The following CBL variants were observed in gnomAD, a reference collection of about 807,000 sequenced individuals.
CBL encodes E3 ubiquitin-protein ligase CBL.
CBL carries 45 observed loss-of-function variants against 96.9 expected under a neutral mutation model. The observed-to-expected ratio is 0.46, with a 90% CI of 0.37 to 0.60. The LOEUF is 0.60. Among genes scored for constraint, CBL ranks in the 20% least tolerant of loss-of-function variants. CBL has a pLI of 0.00. For missense variants in CBL, 1,024 were observed against 1,143.5 expected, an observed-to-expected ratio of 0.90 and a Z score of 1.51; for synonymous variants, 420 against 426.8, an observed-to-expected ratio of 0.98 and a Z score of 0.20.
At chr11:119,297,700 C>T (rs1165833108) in intron 14 of CBL, among the ~76,000 whole-genome samples, 3 of 152,132 alleles carry the variant, frequency 2.0e-5, no homozygotes, top group Non-Finnish European at 4.4e-5. Flanking sequence ...TCAGGTGATC[C>T]ACCCCTCCCA....
In CBL at chr11:119,206,360, C is replaced by A; in HGVS notation, c.-58C>A. 2 of 1,359,010 alleles carry A rather than the reference C, an allele frequency of 1.5e-6. No homozygotes were observed. The highest frequency in any genetic ancestry group is 1.5e-5 in the African/African-American group (1 of 65,744). 84.2% of individuals were successfully genotyped at this position (1,359,010 alleles called of 1,614,324 possible). A position where few individuals can be genotyped will look rare whatever the true frequency, so the allele number is the denominator to read the frequency against. ...CCTCCTTCACGCCCTGCTTCTCTCC[C>A]TCGCTCGCAGTCGAGCCGAGCCGGC... On this transcript the variant is annotated 5_prime_UTR_variant, in exon 1 of 16. Transcript: ENST00000264033.
Position 119,287,784 on chromosome 11 carries a change from G to T in CBL, c.1942-68G>T, listed in dbSNP as rs552259923. On this transcript the variant is annotated intron_variant, in intron 11 of 15. Transcript: ENST00000264033. Reference sequence around the variant, plus strand: ...TATCTGTTATTGTTATTTTGAAAAGGTTCAATAAGAGCAGAGGCTCAGCTG... The same window carrying T: ...TATCTGTTATTGTTATTTTGAAAAGTTTCAATAAGAGCAGAGGCTCAGCTG... 5.0e-6 allele frequency: 5 copies of T among 990,624 alleles called. No homozygotes were observed. In the South Asian group the frequency reaches 5.1e-5, roughly 10 times the overall value. 61.4% of individuals were successfully genotyped at this position (990,624 alleles called of 1,614,324 possible). A position where few individuals can be genotyped will look rare whatever the true frequency, so the allele number is the denominator to read the frequency against.
In CBL at chr11:119,302,977, T is replaced by G. The variant is rs1276824795; in HGVS notation, c.*3196T>G. The G allele has an allele frequency of 4.4e-6, 1 of 228,474 alleles. No homozygotes were observed. The highest frequency in any genetic ancestry group is 5.7e-5 in the Admixed American group (1 of 17,592). The allele number at this position is 228,474 out of a possible 1,614,324, so 14.2% of individuals were successfully genotyped here. On this transcript the variant is annotated 3_prime_UTR_variant, in exon 16 of 16. Transcript: ENST00000264033. ...AAGATGTGGGATACTACTGTTAGTATTATTTAACTATTTTGTAGATTTAAA... is the reference window on the plus strand; with the variant it reads ...AAGATGTGGGATACTACTGTTAGTAGTATTTAACTATTTTGTAGATTTAAA...
In CBL at chr11:119,229,605, T is replaced by C. The variant is rs567817495; in HGVS notation, c.196-2843T>C. 2.6e-5 allele frequency among the ~76,000 whole-genome samples: 4 copies of C among 152,048 alleles called. No homozygotes were observed. In the East Asian group the frequency reaches 7.7e-4, roughly 29 times the overall value. ...CTGAGAGACAGAGGGAGTCTTTTTC[T>C]CAAAAACAACAACAACAACAACAAA... On this transcript the variant is annotated intron_variant, in intron 1 of 15. Coordinates refer to ENST00000264033, the MANE Select transcript of CBL (RefSeq NM_005188.4).
intron 2 of CBL, among the ~76,000 whole-genome samples, chr11:119,270,964 G>A (rs1035250962): frequency 6.6e-6 from 1 of 152,236 alleles, no homozygotes; most frequent in Non-Finnish European, 1.5e-5. Flanking sequence ...ATGCACTTAT[G>A]TAGAAATTTT....
chr11:119,223,250 T>A (rs1287676316), intron 1 of CBL, among the ~76,000 whole-genome samples: 1 of 131,566 alleles, frequency 7.6e-6, no homozygotes, highest in East Asian at 2.7e-4. Context: ...CCAGCTGGTC[T>A]CAAACTCCTA....
intron 2 of CBL, among the ~76,000 whole-genome samples, chr11:119,239,304 G>GT (rs1418019017): frequency 6.6e-6 from 1 of 152,144 alleles, no homozygotes; most frequent in Non-Finnish European, 1.5e-5. Flanking sequence ...TTTCAGTAAT[G>GT]TTTTGTAGTT....
chr11:119,270,840 A>G lies in CBL; in HGVS notation c.444-895A>G, dbSNP rs535811917. Reference sequence around the variant, plus strand: ...AAGTGATCGCCCACTTTGGCGTCCTATAGTGCTGGGATTACAGGCGTGAGG... The same window carrying G: ...AAGTGATCGCCCACTTTGGCGTCCTGTAGTGCTGGGATTACAGGCGTGAGG... On this transcript the variant is annotated intron_variant, in intron 2 of 15. Coordinates refer to ENST00000264033, the MANE Select transcript of CBL (RefSeq NM_005188.4). 2.6e-4 allele frequency among the ~76,000 whole-genome samples: 39 copies of G among 152,294 alleles called. No individual in the cohort carries two copies. In the East Asian group the frequency reaches 3.5e-3, roughly 14 times the overall value.
chr11:119,282,957 T>C (rs114508141), intron 9 of CBL, among the ~76,000 whole-genome samples: 2,653 of 148,622 alleles, frequency 0.018, 62 homozygotes, highest in African/African-American at 0.059. Context: ...AAAAGCCACA[T>C]GTGGTGGCGC....
chr11:119,297,044 C>T lies in CBL; in HGVS notation c.2153+10C>T, dbSNP rs745316113. On this transcript the variant is annotated intron_variant, in intron 13 of 15. Transcript: ENST00000264033. ...CATCCCAGAGTTCACGGTAGGTTCACAACAACCCTTTTTGGGCCCTATACC... is the reference window on the plus strand; with the variant it reads ...CATCCCAGAGTTCACGGTAGGTTCATAACAACCCTTTTTGGGCCCTATACC... The T allele has an allele frequency of 1.0e-5, 15 of 1,429,688 alleles. No individual in the cohort carries two copies. Among genetic ancestry groups the T allele is most frequent in the Non-Finnish European group, 1.3e-5 (13 of 1,011,346 alleles). 88.6% of individuals were successfully genotyped at this position (1,429,688 alleles called of 1,614,324 possible).
At position 119,209,383 on chromosome 11, in the gene CBL, C is replaced by T. The variant is rs531027907; in HGVS notation, c.195+2771C>T. 7.2e-5 allele frequency among the ~76,000 whole-genome samples: 11 copies of T among 152,198 alleles called. No homozygotes were observed. The South Asian group carries it at 1.4e-3, about 20-fold the overall frequency. On this transcript the variant is annotated intron_variant, in intron 1 of 15. Coordinates refer to ENST00000264033, the MANE Select transcript of CBL (RefSeq NM_005188.4). ...TTGTAATCCCAGCACTTTGGGAGGC[C>T]GAGGTGGGCGGCTCACTTGAGGTCA...
At chr11:119,290,243 G>A (rs772900464) in intron 12 of CBL, among the ~76,000 whole-genome samples, 1 of 151,942 alleles carries the variant, frequency 6.6e-6, no homozygotes, top group Non-Finnish European at 1.5e-5. Context: ...ATGGGGTTTT[G>A]CCATGTTGCC....
chr11:119,240,340 C>T (rs919608683), intron 2 of CBL, among the ~76,000 whole-genome samples: 3 of 151,624 alleles, frequency 2.0e-5, no homozygotes, highest in African/African-American at 7.3e-5. Context: ...AAAAATTGCA[C>T]TAAAGGCAAG....
chr11:119,268,482 C>A (rs1949819904), intron 2 of CBL, among the ~76,000 whole-genome samples: 3 of 152,158 alleles, frequency 2.0e-5, no homozygotes, highest in African/African-American at 4.8e-5. Flanking sequence ...GAAGAAAGAG[C>A]AGATTTAAGA....
At chr11:119,286,024 C>A (rs952893414) in intron 11 of CBL, among the ~76,000 whole-genome samples, 2 of 152,094 alleles carry the variant, frequency 1.3e-5, no homozygotes, top group African/African-American at 4.8e-5. Flanking sequence ...TATGGCTGGG[C>A]GTGGTGGCTC....
Position 119,273,904 on chromosome 11 carries a change from A to G in CBL, c.627A>G (p.Leu209=), listed in dbSNP as rs1057524651. The G allele has an allele frequency of 2.5e-6, 4 of 1,614,132 alleles. No individual in the cohort carries two copies. Among genetic ancestry groups the G allele is most frequent in the Non-Finnish European group, 3.4e-6 (4 of 1,179,964 alleles). The change falls in exon 4 of 16, where the codon CTA becomes CTG. Residue 209 remains leucine, a synonymous_variant. Transcript: ENST00000264033. The part of the protein sequence containing the change: ...IVPWKSFRQA[L]HEVHPISSGL... ...CTTGGAAGAGCTTTCGACAGGCTCT[A>G]CATGAAGTGCATCCCATCAGTTCTG...
chr11:119,296,858 A>G (rs920663005), intron 12 of CBL, 60 bp from the exon 13 acceptor site: 5 of 849,156 alleles, frequency 5.9e-6, no homozygotes, highest in Non-Finnish European at 1.0e-5. Context: ...CATTTATTTT[A>G]TACTTCAAAG....
intron 3 of CBL, 91 bp from the exon 4 acceptor site, chr11:119,273,777 A>C (rs988520647): frequency 1.6e-5 from 17 of 1,080,042 alleles, no homozygotes; most frequent in African/African-American, 7.8e-5. Context: ...TTGAGAGCTT[A>C]ATGTGGCTCT....
intron 1 of CBL, among the ~76,000 whole-genome samples, chr11:119,230,898 T>G (rs1047027442): frequency 6.6e-6 from 1 of 152,184 alleles, no homozygotes; most frequent in Admixed American, 6.5e-5. Context: ...AACTTACCAG[T>G]TAGAAAACAA....
Sources: gnomAD v4.1 joint callset for allele counts (sites outside exome capture counted in the v4.1 genomes callset) on GRCh38, gnomAD v4.1.1 for gene constraint, MANE v1.5 for transcripts, NCBI Gene and HGNC (gene_info 2026-07-23, HGNC 2026-07-21) for gene names.